Variants in USP6NL observed in about 807,000 individuals in gnomAD.
USP6NL encodes USP6 N-terminal like, also known as USP6 N-terminal-like protein.
A neutral mutation model predicts 61.9 loss-of-function variants in USP6NL; 26 were observed. The observed-to-expected ratio is 0.42, with a 90% CI of 0.31 to 0.58. USP6NL has a LOEUF of 0.58. USP6NL is among the 20% of genes least tolerant of loss of function. USP6NL has a pLI of 0.16. For missense variants in USP6NL, 1,114 were observed against 1,034.3 expected, an observed-to-expected ratio of 1.08 and a Z score of -1.06; for synonymous variants, 432 against 390.1, an observed-to-expected ratio of 1.11 and a Z score of -1.27.
In USP6NL at chr10:11,575,114, T is replaced by C. The variant is rs1275753924; in HGVS notation, c.4+22517A>G. Among the ~76,000 whole-genome samples the C allele has an allele frequency of 6.6e-6, 1 of 152,190 alleles. No homozygotes were observed. Among genetic ancestry groups the C allele is most frequent in the Non-Finnish European group, 1.5e-5 (1 of 68,024 alleles). ...CTAATTCCCTATTATCTTTAAAGAATATGTTCGTACTCACAAACTAAATCA... is the reference window on the plus strand; with the variant it reads ...CTAATTCCCTATTATCTTTAAAGAACATGTTCGTACTCACAAACTAAATCA... On this transcript the variant is annotated intron_variant, in intron 2 of 14. Transcript: ENST00000609104. The surrounding 1 kb of genome is among the most constrained non-coding windows in gnomAD (Gnocchi z 4.2).
intron 2 of USP6NL, among the ~76,000 whole-genome samples, chr10:11,558,812 G>A (rs1309388693): frequency 6.6e-6 from 1 of 152,090 alleles, no homozygotes; most frequent in Non-Finnish European, 1.5e-5. Flanking sequence ...AGCAAATACA[G>A]GGACTTTTTT....
intron 14 of USP6NL, among the ~76,000 whole-genome samples, chr10:11,467,248 A>C (rs1832509135): frequency 6.6e-6 from 1 of 152,250 alleles, no homozygotes; most frequent in African/African-American, 2.4e-5. Flanking sequence ...ATATAGAAAA[A>C]TTAAATAAAG....
At chr10:11,606,665 A>G (rs376903933) in intron 1 of USP6NL, among the ~76,000 whole-genome samples, 9 of 152,246 alleles carry the variant, frequency 5.9e-5, no homozygotes, top group East Asian at 1.9e-4. Flanking sequence ...CTAAAGGAAT[A>G]GTACAAGAAT....
At chr10:11,504,043 G>T (rs1834328027) in intron 6 of USP6NL, among the ~76,000 whole-genome samples, 1 of 152,112 alleles carries the variant, frequency 6.6e-6, no homozygotes, top group South Asian at 2.1e-4. Context: ...AACTTAAAAG[G>T]AATATAAAAA....
At chr10:11,501,257 G>A (rs1834178381) in intron 6 of USP6NL, 49 bp from the exon 7 acceptor site, 3 of 1,411,130 alleles carry the variant, frequency 2.1e-6, no homozygotes, top group African/African-American at 1.4e-5. Flanking sequence ...AAAAAACTTA[G>A]ATTAGTCTCT....
At position 11,476,274 on chromosome 10, in the gene USP6NL, T is replaced by A. The variant is rs532208547; in HGVS notation, c.1078+5496A>T. 3.4e-4 allele frequency among the ~76,000 whole-genome samples: 52 copies of A among 152,274 alleles called. 1 individual carries two copies. In the South Asian group the frequency reaches 0.01, roughly 30 times the overall value. On this transcript the variant is annotated intron_variant, in intron 14 of 14. Transcript: ENST00000609104. This position sits in a 1 kb window ranked among gnomAD's most constrained non-coding sequence, Gnocchi z 4.3. The stretch of plus-strand genomic sequence containing the variant: ...CACTGTAGTCACACTGTTACACTTG[T>A]TAGTGTAGCAATGGCATTGTGGTTG...
chr10:11,523,172 T>G (rs1835277429), intron 4 of USP6NL, among the ~76,000 whole-genome samples: 1 of 152,214 alleles, frequency 6.6e-6, no homozygotes, highest in South Asian at 2.1e-4. Context: ...AAGAACTGAT[T>G]GCAATATTCA....
rs114795732 is a variant in USP6NL at position 11,534,655 on chromosome 10, C to T, written c.5-7088G>A. ...AGTGAGAAAAGTCAGTCTGACATGA[C>T]GTAAAATACAAAGGGACATGGCTGT... On this transcript the variant is annotated intron_variant, in intron 2 of 14. Coordinates refer to ENST00000609104, the MANE Select transcript of USP6NL (RefSeq NM_014688.5). 2.6e-3 allele frequency among the ~76,000 whole-genome samples: 392 copies of T among 152,254 alleles called. 2 individuals carry two copies. Among genetic ancestry groups the T allele is most frequent in the African/African-American group, 8.4e-3 (348 of 41,554 alleles).
intron 2 of USP6NL, among the ~76,000 whole-genome samples, chr10:11,573,245 A>C (rs1837425427): frequency 1.3e-5 from 2 of 152,224 alleles, no homozygotes; most frequent in South Asian, 4.1e-4. Context: ...GTCTGCTATG[A>C]ATATTTATAT....
intron 4 of USP6NL, among the ~76,000 whole-genome samples, chr10:11,524,127 T>C (rs114024415): frequency 8.7e-4 from 133 of 152,300 alleles, no homozygotes; most frequent in African/African-American, 3.2e-3. Flanking sequence ...ATATTGCTGT[T>C]ATTCTAGTGA....
At chr10:11,609,410 C>G (rs527495052) in intron 1 of USP6NL, among the ~76,000 whole-genome samples, 2 of 152,246 alleles carry the variant, frequency 1.3e-5, no homozygotes, top group East Asian at 3.9e-4. Context: ...CAAACTATAA[C>G]TTTCTGGTAA....
In USP6NL at chr10:11,485,892, A is replaced by T. The variant is rs1833446046; in HGVS notation, c.684T>A (p.Phe228Leu). Residue 228 changes from phenylalanine (F) to leucine (L), a missense_variant, in exon 11 of 15, where the codon TTT becomes TTA. Coordinates refer to ENST00000609104, the MANE Select transcript of USP6NL (RefSeq NM_014688.5). The surrounding 1 kb of genome is among the most constrained non-coding windows in gnomAD (Gnocchi z 4.8). ...GTTCTTGAAACCTCAAGAGTTTAGG[A>T]AAACCTTGGACAAAAAAGCCTAGAA... ...HAMHGFFVQGFPKLLRFQEHH... is the reference protein window; with the variant it reads ...HAMHGFFVQGLPKLLRFQEHH... 6.4e-7 allele frequency: 1 copy of T among 1,551,852 alleles called. No individual in the cohort carries two copies. Among genetic ancestry groups the T allele is most frequent in the Non-Finnish European group, 8.7e-7 (1 of 1,148,314 alleles).
At chr10:11,567,398 TATTAA>T (rs1482826465) in intron 2 of USP6NL, among the ~76,000 whole-genome samples, 1 of 152,188 alleles carries the variant, frequency 6.6e-6, no homozygotes, top group African/African-American at 2.4e-5. Flanking sequence ...TTTAAAACAT[TATTAA>T]ATTAATTACA....
At chr10:11,521,457 C>A (rs909382295) in intron 4 of USP6NL, among the ~76,000 whole-genome samples, 1 of 151,048 alleles carries the variant, frequency 6.6e-6, no homozygotes, top group African/African-American at 2.4e-5. Context: ...CTCCGCTCAC[C>A]GTAACCTCCA....
intron 6 of USP6NL, among the ~76,000 whole-genome samples, chr10:11,504,681 C>G (rs536145285): frequency 1.3e-4 from 20 of 152,310 alleles, no homozygotes; most frequent in Middle Eastern, 6.8e-3. Context: ...GCTTTGTGGC[C>G]AACGCTTATG....
At position 11,499,521 on chromosome 10, in the gene USP6NL, G is replaced by C. The variant is rs1341581422; in HGVS notation, c.384+1580C>G. ...GACCTCATCTGGAAATGGGGCCTCT[G>C]CCGGGGTAATCAAGTTAGGATGAGG... is the stretch of plus-strand genomic sequence containing the variant. On this transcript the variant is annotated intron_variant, in intron 7 of 14. Coordinates refer to ENST00000609104, the MANE Select transcript of USP6NL (RefSeq NM_014688.5). The surrounding 1 kb of genome is among the most constrained non-coding windows in gnomAD (Gnocchi z 4.5). Among the ~76,000 whole-genome samples, 1 of 152,178 alleles carries C rather than the reference G, an allele frequency of 6.6e-6. No individual in the cohort carries two copies. Among genetic ancestry groups the C allele is most frequent in the Middle Eastern group, 3.2e-3 (1 of 316 alleles).
At chr10:11,543,803 GTTTTTTTT>G (rs781443038) in intron 2 of USP6NL, among the ~76,000 whole-genome samples, 1 of 76,362 alleles carries the variant, frequency 1.3e-5, no homozygotes, top group African/African-American at 4.5e-5. Flanking sequence ...AAATATTTAG[GTTTTTTTT>G]TTTTTTTTTT....
chr10:11,494,579 G>A (rs967351527), intron 7 of USP6NL, among the ~76,000 whole-genome samples: 19 of 152,186 alleles, frequency 1.2e-4, no homozygotes, highest in Admixed American at 6.5e-4. Flanking sequence ...GCCCAGTAGT[G>A]GCCCCGAATG....
intron 2 of USP6NL, among the ~76,000 whole-genome samples, chr10:11,541,230 CATAT>C (rs71378797): frequency 0.077 from 3,297 of 42,982 alleles, 71 homozygotes; most frequent in East Asian, 0.17. Flanking sequence ...TCAATAGTGC[CATAT>C]ATATATATAT....
Sources: allele counts gnomAD v4.1 joint callset (sites outside exome capture counted in the v4.1 genomes callset), GRCh38; gene constraint gnomAD v4.1.1; non-coding constraint Gnocchi (gnomAD v3.1); transcripts MANE v1.5; gene names NCBI Gene and HGNC (gene_info 2026-07-23, HGNC 2026-07-21).